GRPEL1: variants seen among roughly 807,000 people sequenced by gnomAD.
GRPEL1 encodes grpE protein homolog 1, mitochondrial.
In GRPEL1, 13 loss-of-function variants were observed where a neutral mutation model predicts 22.1. That is an observed-to-expected ratio of 0.59 (90% CI 0.38 to 0.94). The LOEUF is 0.94. Among genes scored for constraint, GRPEL1 ranks in the 40% least tolerant of loss-of-function variants. GRPEL1 has a pLI of 0.00. For synonymous variants in GRPEL1, 109 were observed against 105.3 expected (o/e 1.03, Z -0.21); for missense variants, 289 against 264.6 (o/e 1.09, Z -0.64).
At chr4:7,062,503 T>C (rs1160585486) in intron 2 of GRPEL1, 37 bp from the exon 3 acceptor site, 2 of 594,948 alleles carry the variant, frequency 3.4e-6, no homozygotes, top group African/African-American at 2.2e-5. Flanking sequence ...TATATATATA[T>C]ATATATATAT....
In GRPEL1 at chr4:7,063,498, C is replaced by T. The variant is rs1724092764; in HGVS notation, c.225+563G>A. Among the ~76,000 whole-genome samples the T allele has an allele frequency of 2.0e-5, 3 of 152,220 alleles. No individual in the cohort carries two copies. In the South Asian group the frequency reaches 6.2e-4, roughly 32 times the overall value. ...GTGGCAAGGAGCAAGAGCTCCAAGT[C>T]CAGGGGGTTCTAGTTCGAGCCCTGG... On this transcript the variant is annotated intron_variant, in intron 2 of 3. Coordinates refer to ENST00000264954, the MANE Select transcript of GRPEL1 (RefSeq NM_025196.4).
At chr4:7,063,748 C>T (rs1724096753) in intron 2 of GRPEL1, among the ~76,000 whole-genome samples, 1 of 152,264 alleles carries the variant, frequency 6.6e-6, no homozygotes, top group South Asian at 2.1e-4. Context: ...TTGCAATTTT[C>T]TGCTTCCTCT....
chr4:7,063,110 T>TC (rs1159682112), intron 2 of GRPEL1, among the ~76,000 whole-genome samples: 2 of 151,682 alleles, frequency 1.3e-5, no homozygotes, highest in African/African-American at 4.9e-5. Flanking sequence ...TTTTTTTTTT[T>TC]CTGAGACAGG....
rs1055372687 is a variant in GRPEL1, at chr4:7,059,845, G to C, written c.*1017C>G. 7.9e-5 allele frequency: 12 copies of C among 152,252 alleles called. No individual in the cohort carries two copies. Among genetic ancestry groups the C allele is most frequent in the Admixed American group, 7.2e-4 (11 of 15,276 alleles). The allele number at this position is 152,252 out of a possible 1,614,324, so 9.4% of individuals were successfully genotyped here. On this transcript the variant is annotated 3_prime_UTR_variant, in exon 4 of 4. Transcript: ENST00000264954. ...CCTTGCTGTGGCTCCTGGGTGTTTC[G>C]TATTCTTACCGGACGGGCTGCAGCT...
intron 3 of GRPEL1, 88 bp downstream of exon 3, chr4:7,062,297 C>A (rs1256908323): frequency 1.1e-5 from 5 of 449,250 alleles, no homozygotes; most frequent in African/African-American, 2.0e-5. Flanking sequence ...CACAGCCTTG[C>A]TCTCTGACAC....
chr4:7,061,017 C>T lies in GRPEL1; in HGVS notation c.499G>A (p.Gly167Arg), dbSNP rs775319139. Residue 167 changes from glycine to arginine, a missense_variant, in exon 4 of 4, where the codon GGA becomes AGA. Coordinates refer to ENST00000264954, the MANE Select transcript of GRPEL1 (RefSeq NM_025196.4). ...TGTTCATAAGGGTCGAACTTGGCTC[C>T]GACAGGGTTCAACTTGAGCAAGCCA... ...KHGLLKLNPV[G>R]AKFDPYEHEA... 3.7e-5 allele frequency: 60 copies of T among 1,614,072 alleles called. No individual in the cohort carries two copies. The highest frequency in any genetic ancestry group is 4.7e-5 in the Non-Finnish European group (55 of 1,180,046).
chr4:7,062,500 A>C lies in GRPEL1; in HGVS notation c.226-34T>G. The C allele has an allele frequency of 6.5e-6, 3 of 458,866 alleles. 1 individual carries two copies. Among genetic ancestry groups the C allele is most frequent in the Admixed American group, 1.1e-4 (2 of 18,142 alleles). 28.4% of individuals were successfully genotyped at this position (458,866 alleles called of 1,614,324 possible). A position where few individuals can be genotyped will look rare whatever the true frequency, so the allele number is the denominator to read the frequency against. The stretch of plus-strand genomic sequence containing the variant: ...GAAAAAAAGGGATATTTATATATAT[A>C]TATATATATATATATCTTTTTTTTT... On this transcript the variant is annotated intron_variant, in intron 2 of 3. Transcript: ENST00000264954.
rs1723966334 is a variant in GRPEL1, at chr4:7,059,027, ATAGCC to A, written c.*1830_*1834del. On this transcript the variant is annotated 3_prime_UTR_variant, in exon 4 of 4. Coordinates refer to ENST00000264954, the MANE Select transcript of GRPEL1 (RefSeq NM_025196.4). ...TAGAGCAACAGGCTACATACACCAT[ATAGCC>A]TAGGTGTGGAGGAGGCTCCACCACC... 6.6e-6 allele frequency: 1 copy of A among 152,200 alleles called. No individual in the cohort carries two copies. Among genetic ancestry groups the A allele is most frequent in the Admixed American group, 6.5e-5 (1 of 15,270 alleles). 9.4% of individuals were successfully genotyped at this position (152,200 alleles called of 1,614,324 possible).
intron 3 of GRPEL1, 121 bp from the exon 4 acceptor site, chr4:7,061,329 A>G (rs1260851179): frequency 1.4e-6 from 1 of 724,638 alleles, no homozygotes; most frequent in Admixed American, 2.9e-5. Flanking sequence ...ATCGCCTCAG[A>G]ATTCCAATGG....
chr4:7,062,446 C>G lies in GRPEL1; in HGVS notation c.246G>C (p.Leu82Phe). ...KETVEKYKRA[L>F]ADTENLRQRS... ...TCTGCCGTAAGTTCTCAGTGTCTGC[C>G]AAAGCTCGTTTATATTTTTCCTAAA... Residue 82 changes from leucine to phenylalanine, a missense_variant, in exon 3 of 4, where the codon TTG (leucine) becomes TTC (phenylalanine). Leu to Phe is a conservative substitution (Grantham distance 22). Transcript: ENST00000264954. The G allele has an allele frequency of 1.3e-6, 2 of 1,569,430 alleles. No homozygotes were observed. The highest frequency in any genetic ancestry group is 1.7e-6 in the Non-Finnish European group (2 of 1,151,904).
At chr4:7,063,240 C>A (rs1360515749) in intron 2 of GRPEL1, among the ~76,000 whole-genome samples, 1 of 152,066 alleles carries the variant, frequency 6.6e-6, no homozygotes. Context: ...CAGGAGTGCA[C>A]CACCACGCCC....
At chr4:7,067,086 C>T (rs1724186890) in intron 1 of GRPEL1, among the ~76,000 whole-genome samples, 1 of 152,262 alleles carries the variant, frequency 6.6e-6, no homozygotes, top group South Asian at 2.1e-4. Flanking sequence ...TTCACCTCAC[C>T]TGCCTGCTCT....
chr4:7,067,708 G>C (rs1724207790), intron 1 of GRPEL1, among the ~76,000 whole-genome samples: 1 of 152,364 alleles, frequency 6.6e-6, no homozygotes, highest in Middle Eastern at 3.4e-3. Context: ...CGTACCTTCC[G>C]AGCCAAACGC....
chr4:7,062,514 A>C (rs774536238), intron 2 of GRPEL1, 48 bp from the exon 3 acceptor site: 3,617 of 271,706 alleles, frequency 0.013, 118 homozygotes, highest in African/African-American at 0.13. Context: ...ATATATATAT[A>C]TCTTTTTTTT....
chr4:7,064,489 C>G lies in GRPEL1; in HGVS notation c.63-266G>C, dbSNP rs568200561. On this transcript the variant is annotated intron_variant, in intron 1 of 3. Coordinates refer to ENST00000264954, the MANE Select transcript of GRPEL1 (RefSeq NM_025196.4). ...ATTTTTTTAGAGACAGGATTGGTCT[C>G]TCTCTATATATCTATCTATCTATAC... The G allele has an allele frequency of 4.4e-5, 13 of 295,080 alleles. No individual in the cohort carries two copies. In the South Asian group the frequency reaches 9.2e-4, roughly 21 times the overall value. 18.3% of individuals were successfully genotyped at this position (295,080 alleles called of 1,614,324 possible).
In GRPEL1 at chr4:7,064,167, A is replaced by G; in HGVS notation, c.119T>C (p.Leu40Pro). Residue 40 changes from leucine (L) to proline (P), a missense_variant, in exon 2 of 4, where the codon CTG (leucine) becomes CCG (proline). By Grantham distance (98) the Leu-to-Pro change is moderately conservative (BLOSUM62 -3). Transcript: ENST00000264954. The part of the protein sequence containing the change: ...ATKQKNSGQN[L>P]EEDMGQSEQK... ...TTCACTCTGACCCATGTCCTCTTCCAGGTTCTGGCCACTGTTCTTTTGTTT... is the reference window on the plus strand; with the variant it reads ...TTCACTCTGACCCATGTCCTCTTCCGGGTTCTGGCCACTGTTCTTTTGTTT... 3.7e-6 allele frequency: 6 copies of G among 1,614,144 alleles called. No homozygotes were observed. The highest frequency in any genetic ancestry group is 5.1e-6 in the Non-Finnish European group (6 of 1,179,996).
chr4:7,064,939 C>T (rs533428032), intron 1 of GRPEL1, among the ~76,000 whole-genome samples: 1 of 152,326 alleles, frequency 6.6e-6, no homozygotes, highest in Admixed American at 6.5e-5. Flanking sequence ...GGATTACAGG[C>T]ATGAGCCACT....
At chr4:7,064,390 GC>G (rs1388546498) in intron 1 of GRPEL1, 167 bp from the exon 2 acceptor site, 21 of 567,930 alleles carry the variant, frequency 3.7e-5, no homozygotes, top group Non-Finnish European at 6.3e-5. Flanking sequence ...ACATATAGAA[GC>G]TATATTAGTA....
At chr4:7,063,833 CAAAT>C (rs1724097684) in intron 2 of GRPEL1, among the ~76,000 whole-genome samples, 1 of 152,206 alleles carries the variant, frequency 6.6e-6, no homozygotes, top group African/African-American at 2.4e-5. Flanking sequence ...CATTCAATGA[CAAAT>C]AACAGCGTGT....
Sources: gnomAD v4.1 joint callset for allele counts (sites outside exome capture counted in the v4.1 genomes callset) on GRCh38, gnomAD v4.1.1 for gene constraint, MANE v1.5 for transcripts, NCBI Gene and HGNC (gene_info 2026-07-23, HGNC 2026-07-21) for gene names.